The following TMEM70 variants were observed in gnomAD, a reference collection of about 807,000 sequenced individuals.
TMEM70 encodes transmembrane protein 70.
In TMEM70, 15 loss-of-function variants were observed where a neutral mutation model predicts 20.5. That is an observed-to-expected ratio of 0.73 (90% CI 0.49 to 1.13). The LOEUF is 1.13. TMEM70 is among the 50% of genes most tolerant of loss of function. The pLI, the probability that TMEM70 is intolerant of heterozygous loss-of-function variation, is 0.00. For missense variants in TMEM70, 344 were observed against 331.7 expected, an observed-to-expected ratio of 1.04 and a Z score of -0.29; for synonymous variants, 141 against 134.2, an observed-to-expected ratio of 1.05 and a Z score of -0.35.
chr8:73,979,731 C>G (rs896870450), intron 2 of TMEM70, among the ~76,000 whole-genome samples: 3 of 151,608 alleles, frequency 2.0e-5, no homozygotes, highest in African/African-American at 7.3e-5. Flanking sequence ...CTCAGCCTCC[C>G]AAATAGCTAG....
rs757149516 is a variant in TMEM70, at chr8:73,981,454, A to G, written c.616A>G (p.Lys206Glu). The G allele has an allele frequency of 1.2e-6, 2 of 1,614,208 alleles. No homozygotes were observed. The highest frequency in any genetic ancestry group is 2.2e-5 in the South Asian group (2 of 91,086). Residue 206 changes from lysine to glutamate, a missense_variant, in exon 3 of 3, where the codon AAA becomes GAA. Physicochemically the swap from Lys to Glu is moderately conservative, Grantham distance 56. Coordinates refer to ENST00000312184, the MANE Select transcript of TMEM70 (RefSeq NM_017866.6). ...GAATGATGTGAAGATTCCAGATGCT[A>G]AACATGTATTTACCACATTTTATGC... is the stretch of plus-strand genomic sequence containing the variant. ...HQNDVKIPDAKHVFTTFYAKT... is the reference protein window; with the variant it reads ...HQNDVKIPDAEHVFTTFYAKT...
intron 2 of TMEM70, among the ~76,000 whole-genome samples, chr8:73,980,325 G>T (rs947788495): frequency 6.6e-6 from 1 of 151,672 alleles, no homozygotes; most frequent in Admixed American, 6.6e-5. Context: ...GTTTTAACTT[G>T]AATGTCTTTC....
intron 2 of TMEM70, chr8:73,979,230 T>A: frequency 2.8e-6 from 1 of 354,466 alleles, no homozygotes; most frequent in Non-Finnish European, 5.6e-6. Context: ...GGTTTCACCA[T>A]GTTGGTCAGG....
At position 73,981,412 on chromosome 8, in the gene TMEM70, A is replaced by C; in HGVS notation, c.574A>C (p.Ser192Arg). 1 of 1,614,216 alleles carries C rather than the reference A, an allele frequency of 6.2e-7. No homozygotes were observed. The change falls in exon 3 of 3, where the codon AGT becomes CGT. Residue 192 changes from serine to arginine, a missense_variant. By Grantham distance (110) the Ser-to-Arg change is moderately radical. Transcript: ENST00000312184. ...CTACAATGCTATGCTTGCAGAAACG[A>C]GTACAGTGTTTCACCAGAATGATGT... ...ITYNAMLAET[S>R]TVFHQNDVKI...
chr8:73,979,025 G>C, intron 2 of TMEM70, 164 bp downstream of exon 2: 1 of 853,480 alleles, frequency 1.2e-6, no homozygotes, highest in South Asian at 1.5e-5. Context: ...AAGATGTAGA[G>C]ACCTTTGCAT....
rs1006302522 is a variant in TMEM70 at position 73,982,038 on chromosome 8, C to T, written c.*417C>T. On this transcript the variant is annotated 3_prime_UTR_variant, in exon 3 of 3. Coordinates refer to ENST00000312184, the MANE Select transcript of TMEM70 (RefSeq NM_017866.6). ...ATAGGTGGTGCGGAGCTGTGGTCCA[C>T]CTGCTCCTGCTCCTGACTCACTGCT... 4 of 465,218 alleles carry T rather than the reference C, an allele frequency of 8.6e-6. No homozygotes were observed. Among genetic ancestry groups the T allele is most frequent in the Non-Finnish European group, 1.7e-5 (4 of 233,722 alleles). 28.8% of individuals were successfully genotyped at this position (465,218 alleles called of 1,614,324 possible). A position where few individuals can be genotyped will look rare whatever the true frequency, so the allele number is the denominator to read the frequency against.
intron 1 of TMEM70, among the ~76,000 whole-genome samples, chr8:73,978,167 A>G (rs1314792844): frequency 1.3e-5 from 2 of 151,370 alleles, no homozygotes; most frequent in African/African-American, 2.4e-5. Flanking sequence ...GACCACTGCA[A>G]TCTCCGCCTC....
intron 1 of TMEM70, among the ~76,000 whole-genome samples, chr8:73,977,186 T>C (rs1450042229): frequency 6.6e-6 from 1 of 152,134 alleles, no homozygotes; most frequent in East Asian, 1.9e-4. Context: ...GTAAATTTTA[T>C]TTCTTTTTTT....
rs760947961 is a variant in TMEM70, at chr8:73,981,631, T to G, written c.*10T>G. 1.9e-6 allele frequency: 3 copies of G among 1,578,392 alleles called. No homozygotes were observed. The highest frequency in any genetic ancestry group is 1.1e-5 in the South Asian group (1 of 90,300). On this transcript the variant is annotated 3_prime_UTR_variant, in exon 3 of 3. Coordinates refer to ENST00000312184, the MANE Select transcript of TMEM70 (RefSeq NM_017866.6). ...TAAAGATGACAAATGAGCCTATTTG[T>G]TAGTGTTCGTGCTCAAATGTGATTT...
intron 2 of TMEM70, among the ~76,000 whole-genome samples, chr8:73,979,964 C>G (rs557349466): frequency 9.8e-5 from 15 of 152,366 alleles, no homozygotes; most frequent in African/African-American, 3.6e-4. Context: ...AGCAGTCCTT[C>G]TGCCTACACC....
Position 73,981,180 on chromosome 8 carries a change from G to A in TMEM70, c.342G>A (p.Thr114=). 2.5e-6 allele frequency: 4 copies of A among 1,613,636 alleles called. No homozygotes were observed. The highest frequency in any genetic ancestry group is 1.1e-5 in the South Asian group (1 of 91,054). The change falls in exon 3 of 3, where the codon ACG becomes ACA. Residue 114 remains threonine, a synonymous_variant. Coordinates refer to ENST00000312184, the MANE Select transcript of TMEM70 (RefSeq NM_017866.6). ...GTGTGAAATGTTTCTCTTATTCTAC[G>A]AGTCTGATTGGCCTTACATTTCTGC... ...VFGVKCFSYS[T]SLIGLTFLPY...
chr8:73,977,997 C>T (rs1258177356), intron 1 of TMEM70, among the ~76,000 whole-genome samples: 2 of 152,198 alleles, frequency 1.3e-5, no homozygotes, highest in Non-Finnish European at 2.9e-5. Flanking sequence ...TAAGGCAAGC[C>T]ATTCTGTCAG....
Position 73,982,601 on chromosome 8 carries a change from C to T in TMEM70, c.*980C>T, listed in dbSNP as rs1357621808. On this transcript the variant is annotated 3_prime_UTR_variant, in exon 3 of 3. Coordinates refer to ENST00000312184, the MANE Select transcript of TMEM70 (RefSeq NM_017866.6). ...TTTGGTTCAGAACACAGGTTTTTGC[C>T]TAACCCCTGGCATGATTGCCCATAA... The T allele has an allele frequency of 4.1e-6, 2 of 483,378 alleles. No homozygotes were observed. Among genetic ancestry groups the T allele is most frequent in the Non-Finnish European group, 8.1e-6 (2 of 245,412 alleles). The allele number at this position is 483,378 out of a possible 1,614,324, so 29.9% of individuals were successfully genotyped here.
At chr8:73,977,556 A>G (rs1238060612) in intron 1 of TMEM70, among the ~76,000 whole-genome samples, 2 of 152,338 alleles carry the variant, frequency 1.3e-5, no homozygotes, top group East Asian at 3.9e-4. Context: ...CTTTAGAGAA[A>G]GATTTGATCT....
chr8:73,979,734 A>G (rs993929303), intron 2 of TMEM70, among the ~76,000 whole-genome samples: 1 of 151,568 alleles, frequency 6.6e-6, no homozygotes, highest in East Asian at 1.9e-4. Flanking sequence ...AGCCTCCCAA[A>G]TAGCTAGGAC....
intron 1 of TMEM70, among the ~76,000 whole-genome samples, chr8:73,978,069 C>T (rs991639045): frequency 6.6e-6 from 1 of 152,078 alleles, no homozygotes; most frequent in African/African-American, 2.4e-5. Context: ...CCTCATGTGA[C>T]AAGTTCTTTT....
chr8:73,981,411 G>A lies in TMEM70; in HGVS notation c.573G>A (p.Thr191=), dbSNP rs1384663616. The part of the protein sequence containing the change: ...AITYNAMLAE[T]STVFHQNDVK... ...CCTACAATGCTATGCTTGCAGAAAC[G>A]AGTACAGTGTTTCACCAGAATGATG... is the stretch of plus-strand genomic sequence containing the variant. Residue 191 remains threonine (T), a synonymous_variant, in exon 3 of 3, where the codon ACG becomes ACA. Coordinates refer to ENST00000312184, the MANE Select transcript of TMEM70 (RefSeq NM_017866.6). 8.7e-6 allele frequency: 14 copies of A among 1,614,044 alleles called. No homozygotes were observed. Among genetic ancestry groups the A allele is most frequent in the Admixed American group, 1.7e-5 (1 of 59,998 alleles).
chr8:73,982,050 C>T lies in TMEM70; in HGVS notation c.*429C>T, dbSNP rs941871264. On this transcript the variant is annotated 3_prime_UTR_variant, in exon 3 of 3. Coordinates refer to ENST00000312184, the MANE Select transcript of TMEM70 (RefSeq NM_017866.6). ...GAGCTGTGGTCCACCTGCTCCTGCT[C>T]CTGACTCACTGCTCTTTGCTGTTGC... 8.6e-6 allele frequency: 4 copies of T among 467,098 alleles called. No homozygotes were observed. Among genetic ancestry groups the T allele is most frequent in the African/African-American group, 2.0e-5 (1 of 50,724 alleles). 28.9% of individuals were successfully genotyped at this position (467,098 alleles called of 1,614,324 possible).
chr8:73,982,327 C>G lies in TMEM70; in HGVS notation c.*706C>G, dbSNP rs749995139. ...TGAGAATCACTACAAGAAAAACTTA[C>G]GGTGAAGGTTCTAAGGCATGGGATC... On this transcript the variant is annotated 3_prime_UTR_variant, in exon 3 of 3. Coordinates refer to ENST00000312184, the MANE Select transcript of TMEM70 (RefSeq NM_017866.6). The G allele has an allele frequency of 3.0e-6, 2 of 664,634 alleles. No homozygotes were observed. Among genetic ancestry groups the G allele is most frequent in the Non-Finnish European group, 5.5e-6 (2 of 360,498 alleles). 41.2% of individuals were successfully genotyped at this position (664,634 alleles called of 1,614,324 possible).
Sources: gnomAD v4.1 joint callset for allele counts (sites outside exome capture counted in the v4.1 genomes callset) on GRCh38, gnomAD v4.1.1 for gene constraint, MANE v1.5 for transcripts, NCBI Gene and HGNC (gene_info 2026-07-23, HGNC 2026-07-21) for gene names.